The following LHFPL3 variants were observed in gnomAD, a reference collection of about 807,000 sequenced individuals.
LHFPL3 encodes the protein LHFPL tetraspan subfamily member 3, also known as LHFPL tetraspan subfamily member 3 protein.
A neutral mutation model predicts 19.3 loss-of-function variants in LHFPL3; 5 were observed. The observed-to-expected ratio is 0.26, with a 90% confidence interval of 0.14 to 0.54. The LOEUF is 0.54. Among genes scored for constraint, LHFPL3 ranks in the 20% least tolerant of loss-of-function variants. The pLI is 0.94. For missense variants in LHFPL3, 249 were observed against 307.4 expected, an observed-to-expected ratio of 0.81 and a Z score of 1.42; for synonymous variants, 133 against 126.2, an observed-to-expected ratio of 1.05 and a Z score of -0.36.
At chr7:104,491,742 C>T (rs995245787) in intron 1 of LHFPL3, among the ~76,000 whole-genome samples, 1 of 152,090 alleles carries the variant, frequency 6.6e-6, no homozygotes, top group African/African-American at 2.4e-5. Flanking sequence ...AATTATAATC[C>T]CTTTACATTT....
At chr7:104,801,718 G>A (rs4490766) in intron 2 of LHFPL3, among the ~76,000 whole-genome samples, 18,536 of 151,888 alleles carry the variant, frequency 0.12, 1,238 homozygotes, top group Non-Finnish European at 0.15. Flanking sequence ...CTACAGGCAC[G>A]TGCCACCACA....
intron 1 of LHFPL3, among the ~76,000 whole-genome samples, chr7:104,521,453 A>AT (rs1230377584): frequency 2.0e-5 from 3 of 152,104 alleles, no homozygotes; most frequent in Non-Finnish European, 4.4e-5. Context: ...TTCTGTAGGC[A>AT]TTACCATTCA....
chr7:104,831,409 G>T (rs551547237), intron 2 of LHFPL3, among the ~76,000 whole-genome samples: 1 of 152,016 alleles, frequency 6.6e-6, no homozygotes, highest in East Asian at 1.9e-4. Flanking sequence ...TGAACGAAAA[G>T]TTAAAAAGTT....
chr7:104,357,467 T>A (rs546582650), intron 1 of LHFPL3, among the ~76,000 whole-genome samples: 1 of 152,322 alleles, frequency 6.6e-6, no homozygotes, highest in Non-Finnish European at 1.5e-5. Context: ...AAGGACATCT[T>A]TACAACTCCG....
At chr7:104,334,539 T>C (rs1458644702) in intron 1 of LHFPL3, among the ~76,000 whole-genome samples, 1 of 152,204 alleles carries the variant, frequency 6.6e-6, no homozygotes, top group Non-Finnish European at 1.5e-5. Flanking sequence ...AGAGTGAGAC[T>C]CCATCTCAAA....
At position 104,907,859 on chromosome 7, in the gene LHFPL3, A is replaced by G. The variant is rs1792650643; in HGVS notation, c.*1644A>G. 6.6e-6 allele frequency among the ~76,000 whole-genome samples: 1 copy of G among 152,204 alleles called. No individual in the cohort carries two copies. The highest frequency in any genetic ancestry group is 2.4e-5 in the African/African-American group (1 of 41,454). ...TCACCATAAATGGCATTATGTTTCAAATGGCTAAAAGCATATTATGGGTAT... is the reference window on the plus strand; with the variant it reads ...TCACCATAAATGGCATTATGTTTCAGATGGCTAAAAGCATATTATGGGTAT... On this transcript the variant is annotated 3_prime_UTR_variant, in exon 3 of 3. Coordinates refer to ENST00000424859, the MANE Select transcript of LHFPL3 (RefSeq NM_199000.3).
At chr7:104,420,623 G>A (rs947664181) in intron 1 of LHFPL3, among the ~76,000 whole-genome samples, 1 of 144,858 alleles carries the variant, frequency 6.9e-6, no homozygotes, top group African/African-American at 2.5e-5. Context: ...GCAGTGGCGC[G>A]ATCTCGGCTC....
At chr7:104,436,666 A>G (rs76548197) in intron 1 of LHFPL3, among the ~76,000 whole-genome samples, 2 of 152,364 alleles carry the variant, frequency 1.3e-5, no homozygotes, top group East Asian at 3.9e-4. Context: ...ATGGACATCT[A>G]TATGAGGAAG....
intron 1 of LHFPL3, among the ~76,000 whole-genome samples, chr7:104,520,242 A>T (rs577542422): frequency 6.6e-6 from 1 of 152,062 alleles, no homozygotes; most frequent in South Asian, 2.1e-4. Context: ...TATATGCTGG[A>T]TTACATTTAT....
At chr7:104,763,363 G>A (rs918683991) in intron 2 of LHFPL3, among the ~76,000 whole-genome samples, 1 of 152,220 alleles carries the variant, frequency 6.6e-6, no homozygotes. Context: ...TCACATTAAT[G>A]TGTTAAGTAC....
intron 2 of LHFPL3, among the ~76,000 whole-genome samples, chr7:104,831,022 A>T (rs1222517656): frequency 6.6e-6 from 1 of 151,922 alleles, no homozygotes; most frequent in Admixed American, 6.5e-5. Context: ...AAACAATGAC[A>T]TGGTGACTCT....
At chr7:104,589,948 C>G (rs372528146) in intron 1 of LHFPL3, among the ~76,000 whole-genome samples, 1 of 152,018 alleles carries the variant, frequency 6.6e-6, no homozygotes, top group African/African-American at 2.4e-5. Flanking sequence ...TCTGTGGGAT[C>G]GGTGGTGATA....
Position 104,465,863 on chromosome 7 carries a change from C to A in LHFPL3, c.445+136639C>A, listed in dbSNP as rs187925799. On this transcript the variant is annotated intron_variant, in intron 1 of 2. Coordinates refer to ENST00000424859, the MANE Select transcript of LHFPL3 (RefSeq NM_199000.3). ...CATTCAGGAGCATGTTGTTTGATTC[C>A]GTTGTAATTGCAGGGTTTTGAGTAA... Among the ~76,000 whole-genome samples, 64 of 152,234 alleles carry A rather than the reference C, an allele frequency of 4.2e-4. No individual in the cohort carries two copies. The East Asian group carries it at 4.8e-3, about 11-fold the overall frequency.
chr7:104,815,417 C>T (rs1471491333), intron 2 of LHFPL3, among the ~76,000 whole-genome samples: 3 of 152,148 alleles, frequency 2.0e-5, no homozygotes, highest in Non-Finnish European at 4.4e-5. Flanking sequence ...AGCTGGCTGG[C>T]GGTTACACAG....
At chr7:104,896,616 G>A (rs1562829018) in intron 2 of LHFPL3, among the ~76,000 whole-genome samples, 1 of 152,220 alleles carries the variant, frequency 6.6e-6, no homozygotes. Flanking sequence ...CCAGCAAAAG[G>A]AGCAAAGGCC....
At chr7:104,739,530 G>A (rs1793891624) in intron 2 of LHFPL3, among the ~76,000 whole-genome samples, 1 of 152,122 alleles carries the variant, frequency 6.6e-6, no homozygotes, top group South Asian at 2.1e-4. Flanking sequence ...ATAAATGGGT[G>A]CTTTTACAAA....
intron 1 of LHFPL3, among the ~76,000 whole-genome samples, chr7:104,365,566 G>A (rs1790470649): frequency 6.6e-6 from 1 of 150,864 alleles, no homozygotes. Context: ...TGGATCATGA[G>A]GTCAGGAGAT....
At chr7:104,607,952 A>G (rs1319425012) in intron 1 of LHFPL3, among the ~76,000 whole-genome samples, 3 of 152,254 alleles carry the variant, frequency 2.0e-5, no homozygotes, top group Non-Finnish European at 4.4e-5. Context: ...ATGAGATACC[A>G]TCTCACACCA....
intron 2 of LHFPL3, among the ~76,000 whole-genome samples, chr7:104,865,172 C>G (rs533959446): frequency 9.8e-5 from 15 of 152,324 alleles, no homozygotes; most frequent in African/African-American, 3.6e-4. Context: ...GAGCGCCTCT[C>G]CTCCTCCAAA....
Sources: allele counts gnomAD v4.1 joint callset (sites outside exome capture counted in the v4.1 genomes callset), GRCh38; gene constraint gnomAD v4.1.1; transcripts MANE v1.5; gene names NCBI Gene and HGNC (gene_info 2026-07-23, HGNC 2026-07-21).